The following NRG1 variants were observed in gnomAD, a reference collection of about 807,000 sequenced individuals.
NRG1 encodes the protein pro-neuregulin-1, membrane-bound isoform.
A neutral mutation model predicts 63.8 loss-of-function variants in NRG1; 18 were observed. The observed-to-expected ratio is 0.28, with a 90% CI of 0.19 to 0.42. The LOEUF is 0.42. Ranked by LOEUF, NRG1 falls within the 10% of genes least tolerant of loss-of-function variation. The pLI is 1.00. For missense variants in NRG1, 762 were observed against 814.7 expected, an observed-to-expected ratio of 0.94 and a Z score of 0.79; for synonymous variants, 302 against 301.3, an observed-to-expected ratio of 1.00 and a Z score of -0.02.
chr8:32,710,840 T>C (rs1045074117), intron 5 of NRG1, among the ~76,000 whole-genome samples: 2 of 152,284 alleles, frequency 1.3e-5, no homozygotes, highest in Non-Finnish European at 2.9e-5. Context: ...ACTAGACAGA[T>C]AAACTGAAAC....
chr8:32,421,191 C>A (rs1269188594), intron 1 of NRG1, among the ~76,000 whole-genome samples: 3 of 152,114 alleles, frequency 2.0e-5, no homozygotes, highest in Non-Finnish European at 2.9e-5. Context: ...CCAAACCAAA[C>A]CAGACCTGGC....
chr8:31,800,138 T>G (rs1438050942), intron 1 of NRG1, among the ~76,000 whole-genome samples: 1 of 152,224 alleles, frequency 6.6e-6, no homozygotes, highest in Non-Finnish European at 1.5e-5. Context: ...TATTTTTATT[T>G]TCTTAAGATC....
chr8:31,974,810 T>C (rs570219993), intron 1 of NRG1, among the ~76,000 whole-genome samples: 4 of 152,322 alleles, frequency 2.6e-5, no homozygotes, highest in African/African-American at 9.6e-5. Context: ...GCTGATTGGA[T>C]CTTTTGTACA....
At chr8:32,764,777 G>T (rs41404249) in exon 12 of NRG1, 12,672 of 163,634 alleles carry the variant, frequency 0.077, 686 homozygotes, top group Non-Finnish European at 0.095. Context: ...ACTTGCAACT[G>T]TCCCTCTGTT....
chr8:32,192,971 G>A (rs184440657), intron 1 of NRG1, among the ~76,000 whole-genome samples: 32 of 152,004 alleles, frequency 2.1e-4, no homozygotes, highest in Admixed American at 1.3e-3. Context: ...TAAGCTCAAC[G>A]GGGAGGAATT....
At chr8:31,639,488 C>T in intron 1 of NRG1, 3 of 1,530,266 alleles carry the variant, frequency 2.0e-6, no homozygotes, top group South Asian at 1.2e-5. Flanking sequence ...CCAGCGATTT[C>T]CAGGCACGCA....
At chr8:31,922,269 T>C (rs1222833167) in intron 1 of NRG1, among the ~76,000 whole-genome samples, 3 of 152,132 alleles carry the variant, frequency 2.0e-5, no homozygotes, top group Non-Finnish European at 4.4e-5. Context: ...TGAGCTGTAA[T>C]AAGAGTCAGC....
At chr8:32,030,630 C>G (rs918629434) in intron 1 of NRG1, among the ~76,000 whole-genome samples, 1 of 152,036 alleles carries the variant, frequency 6.6e-6, no homozygotes, top group Non-Finnish European at 1.5e-5. Context: ...TTAGAGACTC[C>G]GTTGGGGATG....
At chr8:32,559,172 T>C (rs1835818276) in intron 1 of NRG1, among the ~76,000 whole-genome samples, 1 of 144,832 alleles carries the variant, frequency 6.9e-6, no homozygotes, top group Non-Finnish European at 1.5e-5. Context: ...CACATTAATT[T>C]ACAGAGAGAA....
intron 1 of NRG1, among the ~76,000 whole-genome samples, chr8:32,336,127 G>A (rs147735585): frequency 0.014 from 2,148 of 152,338 alleles, 25 homozygotes; most frequent in Admixed American, 0.022. Flanking sequence ...CACACAACAA[G>A]CCTATGAATG....
intron 1 of NRG1, among the ~76,000 whole-genome samples, chr8:31,997,028 G>T (rs1444726868): frequency 1.3e-5 from 2 of 151,816 alleles, no homozygotes; most frequent in South Asian, 4.1e-4. Context: ...TAAGGCAAAC[G>T]TTTCTAGACT....
chr8:31,737,460 A>G (rs1025879104), intron 1 of NRG1, among the ~76,000 whole-genome samples: 3 of 152,136 alleles, frequency 2.0e-5, no homozygotes, highest in Admixed American at 6.6e-5. Context: ...TGGGCCTGAC[A>G]CTTACTAGGG....
intron 1 of NRG1, among the ~76,000 whole-genome samples, chr8:31,826,112 A>C (rs889976168): frequency 2.0e-5 from 3 of 152,198 alleles, no homozygotes; most frequent in African/African-American, 7.2e-5. Context: ...CAGCTGGGAT[A>C]AAAGGCTACA....
chr8:31,698,934 T>C (rs147176095), intron 1 of NRG1, among the ~76,000 whole-genome samples: 67 of 152,336 alleles, frequency 4.4e-4, no homozygotes, highest in African/African-American at 1.4e-3. Context: ...AAAGCTCAGA[T>C]TCCTGCTAAA....
intron 1 of NRG1, among the ~76,000 whole-genome samples, chr8:32,046,733 A>G (rs1043099380): frequency 2.0e-5 from 3 of 151,996 alleles, no homozygotes; most frequent in African/African-American, 7.2e-5. Flanking sequence ...AGGCAGAGTT[A>G]TGGTGGAACG....
intron 1 of NRG1, among the ~76,000 whole-genome samples, chr8:32,427,032 CG>C (rs1817472191): frequency 6.6e-6 from 1 of 151,646 alleles, no homozygotes; most frequent in South Asian, 2.1e-4. Flanking sequence ...ATTTGCTTAT[CG>C]TGATATTTCT....
Position 31,759,292 on chromosome 8 carries a change from ACTGT to A in NRG1, c.37+119864_37+119867del, listed in dbSNP as rs1817289789. On this transcript the variant is annotated intron_variant, in intron 1 of 10. Transcript: ENST00000519301. ...TTTCTGTTATCATTAGTTTTAGCATACTGTCTAAGAACTATTTGCCTATCAAGTT... is the reference window on the plus strand; with the variant it reads ...TTTCTGTTATCATTAGTTTTAGCATACTAAGAACTATTTGCCTATCAAGTT... Among the ~76,000 whole-genome samples, 2 of 152,056 alleles carry A rather than the reference ACTGT, an allele frequency of 1.3e-5. 1 individual carries two copies. Among genetic ancestry groups the A allele is most frequent in the South Asian group, 4.1e-4 (2 of 4,828 alleles).
At chr8:32,596,658 T>A (rs1843425541) in intron 2 of NRG1, among the ~76,000 whole-genome samples, 1 of 151,406 alleles carries the variant, frequency 6.6e-6, no homozygotes. Context: ...TAATTTAGAG[T>A]ACCAGTGCCT....
intron 1 of NRG1, among the ~76,000 whole-genome samples, chr8:32,272,668 G>A (rs1851668533): frequency 6.6e-6 from 1 of 152,170 alleles, no homozygotes; most frequent in South Asian, 2.1e-4. Context: ...AGGCTAGTAA[G>A]GGGTGATGAG....
Sources: allele counts gnomAD v4.1 joint callset (sites outside exome capture counted in the v4.1 genomes callset), GRCh38; gene constraint gnomAD v4.1.1; transcripts MANE v1.5; gene names NCBI Gene and HGNC (gene_info 2026-07-23, HGNC 2026-07-21).